The following C2orf76 variants were observed in gnomAD, a reference collection of about 807,000 sequenced individuals.
C2orf76 encodes the protein chromosome 2 open reading frame 76.
C2orf76 carries 23 observed loss-of-function variants against 16.9 expected under a neutral mutation model. The ratio of observed to expected loss-of-function variants is 1.36; its 90% CI spans 0.98 to 1.93. The LOEUF is 1.93. Among genes scored for constraint, C2orf76 ranks in the 30% most tolerant of loss-of-function variants. The probability of loss-of-function intolerance (pLI) is 0.00; values close to 1 mark genes in which losing one functional copy is unlikely to be tolerated. For synonymous variants in C2orf76, 48 were observed against 52.3 expected (o/e 0.92, Z 0.35); for missense variants, 152 against 152.6 (o/e 1.00, Z 0.02).
At chr2:119,289,575 A>C in the C2orf76 span, among the ~76,000 whole-genome samples, 1 of 151,952 alleles carries the variant, frequency 6.6e-6, no homozygotes, top group African/African-American at 2.4e-5. Flanking sequence ...AGTCCCAGCT[A>C]CTTGGGAGGC....
intron 5 of C2orf76, among the ~76,000 whole-genome samples, chr2:119,307,655 T>C (rs954279003): frequency 6.6e-6 from 1 of 151,732 alleles, no homozygotes; most frequent in Non-Finnish European, 1.5e-5. Context: ...CTTGCCGGAG[T>C]TCGGAGTTAG....
chr2:119,312,452 C>A (rs34126357), intron 4 of C2orf76, among the ~76,000 whole-genome samples: 26,088 of 151,994 alleles, frequency 0.17, 2,687 homozygotes, highest in Middle Eastern at 0.3. Context: ...GTCTCACTAT[C>A]TTGCCCAGGC....
intron 1 of C2orf76, among the ~76,000 whole-genome samples, chr2:119,364,655 G>A (rs954164556): frequency 6.6e-6 from 1 of 152,214 alleles, no homozygotes; most frequent in Non-Finnish European, 1.5e-5. Context: ...GGCAGAGGCA[G>A]AGGGTTAGAC....
chr2:119,359,565 AG>A (rs1245468592), intron 1 of C2orf76, among the ~76,000 whole-genome samples: 1 of 152,246 alleles, frequency 6.6e-6, no homozygotes, highest in African/African-American at 2.4e-5. Flanking sequence ...CAACATTAAT[AG>A]GACTTTGGAA....
At chr2:119,307,183 T>C (rs1441333838) in intron 5 of C2orf76, among the ~76,000 whole-genome samples, 3 of 152,106 alleles carry the variant, frequency 2.0e-5, no homozygotes, top group African/African-American at 7.2e-5. Context: ...CTCACGCCTA[T>C]AATCCCAGCA....
intron 1 of C2orf76, among the ~76,000 whole-genome samples, chr2:119,342,598 C>T (rs1184288050): frequency 6.8e-6 from 1 of 147,632 alleles, no homozygotes; most frequent in Non-Finnish European, 1.5e-5. Flanking sequence ...GGTGCCAGAG[C>T]AAGACTCGGT....
At chr2:119,283,018 G>A in the C2orf76 span, among the ~76,000 whole-genome samples, 1 of 152,218 alleles carries the variant, frequency 6.6e-6, no homozygotes, top group African/African-American at 2.4e-5. Context: ...CACAGGGGAA[G>A]CTGTGGCAGT....
At chr2:119,357,155 T>G (rs979240645) in intron 1 of C2orf76, among the ~76,000 whole-genome samples, 1 of 152,096 alleles carries the variant, frequency 6.6e-6, no homozygotes, top group African/African-American at 2.4e-5. Context: ...TTAACATCAA[T>G]TGTACACAAC....
At chr2:119,355,961 C>G (rs946392056) in intron 1 of C2orf76, among the ~76,000 whole-genome samples, 14 of 152,148 alleles carry the variant, frequency 9.2e-5, no homozygotes, top group African/African-American at 3.1e-4. Context: ...CATGACGAGT[C>G]TGAAGAAGTG....
chr2:119,333,374 A>G (rs1679737255), intron 2 of C2orf76, among the ~76,000 whole-genome samples: 1 of 152,254 alleles, frequency 6.6e-6, no homozygotes. Context: ...AGATATGTAA[A>G]TGGTCTCAAT....
chr2:119,361,483 G>A (rs538455832), intron 1 of C2orf76, among the ~76,000 whole-genome samples: 5 of 151,732 alleles, frequency 3.3e-5, no homozygotes, highest in South Asian at 2.1e-4. Context: ...AAAAAAATAC[G>A]GATACACACA....
Position 119,320,829 on chromosome 2 carries a change from A to C in C2orf76, c.184+325T>G, listed in dbSNP as rs377657787. 7.4e-4 allele frequency among the ~76,000 whole-genome samples: 112 copies of C among 152,320 alleles called. 1 individual carries two copies. In the South Asian group the frequency reaches 0.013, roughly 18 times the overall value. ...CAATTGTAACACATAAAACTACTATATAACATGCTCAAATTATTGGCATTT... is the reference window on the plus strand; with the variant it reads ...CAATTGTAACACATAAAACTACTATCTAACATGCTCAAATTATTGGCATTT... On this transcript the variant is annotated intron_variant, in intron 3 of 5. Coordinates refer to ENST00000334816, the MANE Select transcript of C2orf76 (RefSeq NM_001322331.2).
At chr2:119,313,367 TGTTTGAGCCCAGGA>T in intron 4 of C2orf76, among the ~76,000 whole-genome samples, 1 of 152,064 alleles carries the variant, frequency 6.6e-6, no homozygotes, top group East Asian at 1.9e-4. Context: ...GCAAGAGGAC[TGTTTGAGCCCAGGA>T]GTTTGAGACC....
At position 119,340,755 on chromosome 2, in the gene C2orf76, T is replaced by TACACAC. The variant is rs60777590; in HGVS notation, c.-12-790_-12-785dup. On this transcript the variant is annotated intron_variant, in intron 1 of 5. Transcript: ENST00000334816. The stretch of plus-strand genomic sequence containing the variant: ...TAATTGCAAAGTTCATGCTTTCTAA[T>TACACAC]ACACACACACACACACACACACACA... Among the ~76,000 whole-genome samples, 827 of 140,324 alleles carry TACACAC rather than the reference T, an allele frequency of 5.9e-3. 2 individuals are homozygous for TACACAC. The highest frequency in any genetic ancestry group is 0.019 in the South Asian group (78 of 4,162). The allele number at this position is 140,324 out of a possible 152,430, so 92.1% of individuals were successfully genotyped here. A position where few individuals can be genotyped will look rare whatever the true frequency, so the allele number is the denominator to read the frequency against.
chr2:119,294,767 G>C, the C2orf76 span, among the ~76,000 whole-genome samples: 2 of 152,140 alleles, frequency 1.3e-5, no homozygotes, highest in African/African-American at 4.8e-5. Context: ...CCGACAGCGT[G>C]GCCAGTCAGC....
intron 1 of C2orf76, among the ~76,000 whole-genome samples, chr2:119,350,083 C>G (rs1317684246): frequency 7.6e-6 from 1 of 131,256 alleles, no homozygotes; most frequent in Non-Finnish European, 1.7e-5. Context: ...CCCGCCCCCC[C>G]ACCGTCCCGC....
At chr2:119,327,008 C>G (rs189594794) in intron 2 of C2orf76, among the ~76,000 whole-genome samples, 31 of 152,282 alleles carry the variant, frequency 2.0e-4, no homozygotes, top group Admixed American at 2.0e-3. Context: ...TGAATAATGA[C>G]AGTTTCACGT....
At chr2:119,288,193 G>GTC in the C2orf76 span, among the ~76,000 whole-genome samples, 2 of 135,904 alleles carry the variant, frequency 1.5e-5, no homozygotes. Flanking sequence ...GTCTCACTCT[G>GTC]TCGCCCAGGC....
chr2:119,350,076 G>A lies in C2orf76; in HGVS notation c.-12-10105C>T, dbSNP rs13433059. Among the ~76,000 whole-genome samples, 44 of 32,872 alleles carry A rather than the reference G, an allele frequency of 1.3e-3. 2 individuals carry two copies. In the Middle Eastern group the frequency reaches 0.068, roughly 51 times the overall value. The allele number at this position is 32,872 out of a possible 152,430, so 21.6% of individuals were successfully genotyped here. A position where few individuals can be genotyped will look rare whatever the true frequency, so the allele number is the denominator to read the frequency against. ...CCACGCCCCGCCCACACCGCCCCCCGCCCCCCCACCGTCCCGCGTAAGTGT... is the reference window on the plus strand; with the variant it reads ...CCACGCCCCGCCCACACCGCCCCCCACCCCCCCACCGTCCCGCGTAAGTGT... On this transcript the variant is annotated intron_variant, in intron 1 of 5. Transcript: ENST00000334816.
Sources: gnomAD v4.1 joint callset for allele counts (sites outside exome capture counted in the v4.1 genomes callset) on GRCh38, gnomAD v4.1.1 for gene constraint, MANE v1.5 for transcripts, NCBI Gene and HGNC (gene_info 2026-07-23, HGNC 2026-07-21) for gene names.